Variants in VEZT observed in about 807,000 individuals in gnomAD.
The protein encoded by VEZT is vezatin.
In VEZT, 39 loss-of-function variants were observed where a neutral mutation model predicts 79.9. The ratio of observed to expected loss-of-function variants is 0.49; its 90% CI spans 0.38 to 0.64. The LOEUF is 0.64. Ranked by LOEUF, VEZT falls within the 30% of genes least tolerant of loss-of-function variation. The pLI, the probability that VEZT is intolerant of heterozygous loss-of-function variation, is 0.00. For synonymous variants in VEZT, 325 were observed against 327.6 expected, an observed-to-expected ratio of 0.99 and a Z score of 0.09; for missense variants, 837 against 893.1, an observed-to-expected ratio of 0.94 and a Z score of 0.80.
rs141242736 is a variant in VEZT, at chr12:95,263,100, C to G, written c.434+19C>G. 11 of 1,566,486 alleles carry G rather than the reference C, an allele frequency of 7.0e-6. No individual in the cohort carries two copies. In the East Asian group the frequency reaches 1.8e-4, roughly 26 times the overall value. On this transcript the variant is annotated intron_variant, in intron 4 of 11. Coordinates refer to ENST00000436874, the MANE Select transcript of VEZT (RefSeq NM_017599.4). ...ATATTTGGTACTGTCCAGAAAACACCTATTCTTTGACTGCTTACATACAGA... is the reference window on the plus strand; with the variant it reads ...ATATTTGGTACTGTCCAGAAAACACGTATTCTTTGACTGCTTACATACAGA...
rs1337197364 is a variant in VEZT, at chr12:95,300,465, C to G, written c.2132C>G (p.Pro711Arg). Residue 711 changes from proline (P) to arginine (R), a missense_variant, in exon 12 of 12, where the codon CCT becomes CGT. By Grantham distance (103) the Pro-to-Arg change is moderately radical. Coordinates refer to ENST00000436874, the MANE Select transcript of VEZT (RefSeq NM_017599.4). Reference sequence around the variant, plus strand: ...GATGGAAGTGGTCTGACCACTGCCCCTCCAACTCCCAGGGACTCATTACAG... The same window carrying G: ...GATGGAAGTGGTCTGACCACTGCCCGTCCAACTCCCAGGGACTCATTACAG... ...QADGSGLTTA[P>R]PTPRDSLQPS... 2 of 1,613,840 alleles carry G rather than the reference C, an allele frequency of 1.2e-6. No individual in the cohort carries two copies. Among genetic ancestry groups the G allele is most frequent in the African/African-American group, 2.7e-5 (2 of 74,912 alleles).
intron 10 of VEZT, among the ~76,000 whole-genome samples, chr12:95,294,923 A>G (rs1312749329): frequency 6.6e-6 from 1 of 152,164 alleles, no homozygotes; most frequent in Non-Finnish European, 1.5e-5. Context: ...TACTTTATTT[A>G]AACTTTTAGG....
chr12:95,297,115 G>C (rs1283940428), intron 11 of VEZT, among the ~76,000 whole-genome samples: 1 of 152,136 alleles, frequency 6.6e-6, no homozygotes, highest in East Asian at 1.9e-4. Flanking sequence ...TGGGGTAGCT[G>C]GTAATACAAA....
intron 9 of VEZT, among the ~76,000 whole-genome samples, chr12:95,289,097 T>A (rs371115451): frequency 0.048 from 5,482 of 114,570 alleles, 419 homozygotes; most frequent in Non-Finnish European, 0.078. Flanking sequence ...AAAAAATAAA[T>A]AAATAAATAA....
At chr12:95,292,548 ATTTT>A (rs11428521) in intron 9 of VEZT, among the ~76,000 whole-genome samples, 1 of 135,496 alleles carries the variant, frequency 7.4e-6, no homozygotes, top group Non-Finnish European at 1.6e-5. Flanking sequence ...GATAACTGTA[ATTTT>A]TTTTTTTTTT....
rs71078697 is a variant in VEZT at position 95,289,081 on chromosome 12, C to CAAAAA, written c.1522+1231_1522+1235dup. ...TGGGCAACAGAGCGAGACTCCGTCT[C>CAAAAA]AAAAAAAAAAATAAATAAATAAATA... On this transcript the variant is annotated intron_variant, in intron 9 of 11. Coordinates refer to ENST00000436874, the MANE Select transcript of VEZT (RefSeq NM_017599.4). Among the ~76,000 whole-genome samples, 75 of 123,096 alleles carry CAAAAA rather than the reference C, an allele frequency of 6.1e-4. 4 individuals carry two copies. Among genetic ancestry groups the CAAAAA allele is most frequent in the East Asian group, 1.6e-3 (7 of 4,484 alleles). 80.8% of individuals were successfully genotyped at this position (123,096 alleles called of 152,430 possible).
At chr12:95,237,333 T>C (rs2060329911) in intron 1 of VEZT, among the ~76,000 whole-genome samples, 1 of 152,172 alleles carries the variant, frequency 6.6e-6, no homozygotes, top group Non-Finnish European at 1.5e-5. Context: ...CTTAGATTAA[T>C]TCCTGGCCCT....
intron 6 of VEZT, among the ~76,000 whole-genome samples, chr12:95,271,779 T>A (rs186647244): frequency 6.6e-6 from 1 of 152,188 alleles, no homozygotes; most frequent in Admixed American, 6.5e-5. Flanking sequence ...ACAGACTGTA[T>A]GAGTTCTTTG....
At position 95,296,141 on chromosome 12, in the gene VEZT, CA is replaced by C; in HGVS notation, c.1715del (p.Gln572ArgfsTer15). 6.4e-7 allele frequency: 1 copy of C among 1,568,980 alleles called. No individual in the cohort carries two copies. Among genetic ancestry groups the C allele is most frequent in the Non-Finnish European group, 8.7e-7 (1 of 1,155,724 alleles). ...CTTGTCTCAAGAAGACAAAGAGAGA[CA>C]GAAGCGTGAGCATGAAGAATCCAAG... ...YYLSQEDKER[Q>X]KREHEESKRV... On this transcript the variant is annotated frameshift_variant, in exon 11 of 12. Transcript: ENST00000436874. LOFTEE classifies it high-confidence loss of function.
At chr12:95,276,814 C>T (rs564338383) in intron 7 of VEZT, among the ~76,000 whole-genome samples, 6 of 152,172 alleles carry the variant, frequency 3.9e-5, no homozygotes, top group African/African-American at 1.4e-4. Flanking sequence ...TGTTTTCTTT[C>T]TTTCCTATTA....
chr12:95,222,091 G>A (rs1052592615), intron 1 of VEZT, among the ~76,000 whole-genome samples: 1 of 152,124 alleles, frequency 6.6e-6, no homozygotes, highest in African/African-American at 2.4e-5. Flanking sequence ...AGAGACAACT[G>A]TATATACCTC....
chr12:95,298,427 G>A (rs1236792856), intron 11 of VEZT, among the ~76,000 whole-genome samples: 2 of 152,040 alleles, frequency 1.3e-5, no homozygotes, highest in African/African-American at 4.8e-5. Context: ...TTAATTTTAG[G>A]CACTGTTGTT....
intron 3 of VEZT, among the ~76,000 whole-genome samples, chr12:95,259,016 C>T (rs2063915812): frequency 6.6e-6 from 1 of 152,158 alleles, no homozygotes; most frequent in Non-Finnish European, 1.5e-5. Context: ...TCAATCAAAT[C>T]AAGTCCAAAT....
At chr12:95,237,658 GT>G (rs1403317549) in intron 1 of VEZT, among the ~76,000 whole-genome samples, 6 of 152,134 alleles carry the variant, frequency 3.9e-5, no homozygotes, top group Non-Finnish European at 8.8e-5. Context: ...TTATTATCTT[GT>G]TCATGTTGGT....
rs2060241177 is a variant in VEZT, at chr12:95,236,652, C to CCT, written c.37-15286_37-15285dup. On this transcript the variant is annotated intron_variant, in intron 1 of 11. Coordinates refer to ENST00000436874, the MANE Select transcript of VEZT (RefSeq NM_017599.4). ...GTGTCATGATTTTGGCTCACTGCACCCTCCACCTCCTGGGTTCAGGTGATT... is the reference window on the plus strand; with the variant it reads ...GTGTCATGATTTTGGCTCACTGCACCCTCTCCACCTCCTGGGTTCAGGTGATT... 2.0e-5 allele frequency among the ~76,000 whole-genome samples: 3 copies of CCT among 151,670 alleles called. No individual in the cohort carries two copies. In the South Asian group the frequency reaches 6.2e-4, roughly 32 times the overall value.
In VEZT at chr12:95,273,996, G is replaced by A. The variant is rs191868763; in HGVS notation, c.849-746G>A. Among the ~76,000 whole-genome samples, 21 of 152,322 alleles carry A rather than the reference G, an allele frequency of 1.4e-4. No individual in the cohort carries two copies. In the South Asian group the frequency reaches 2.1e-3, roughly 15 times the overall value. On this transcript the variant is annotated intron_variant, in intron 6 of 11. Transcript: ENST00000436874. ...CCTAACAGTAGTCTATGTCAAACAA[G>A]CTAGATAGAACAGGCCTGGTGCCAC...
chr12:95,283,084 A>G (rs566925548), intron 8 of VEZT, among the ~76,000 whole-genome samples: 15 of 152,328 alleles, frequency 9.8e-5, no homozygotes, highest in Non-Finnish European at 1.8e-4. Flanking sequence ...TTCTAAATAA[A>G]TTACAGCAGA....
chr12:95,250,232 T>C (rs1964592), intron 1 of VEZT, among the ~76,000 whole-genome samples: 49,714 of 121,918 alleles, frequency 0.41, 10,377 homozygotes, highest in African/African-American at 0.51. Flanking sequence ...CACCTAATTG[T>C]AGTCTTTTTG....
chr12:95,289,611 C>A (rs2072167472), intron 9 of VEZT, among the ~76,000 whole-genome samples: 1 of 151,876 alleles, frequency 6.6e-6, no homozygotes, highest in African/African-American at 2.4e-5. Context: ...GTGGCTTTTG[C>A]TTATAGATAA....
Sources: gnomAD v4.1 joint callset for allele counts (sites outside exome capture counted in the v4.1 genomes callset) on GRCh38, gnomAD v4.1.1 for gene constraint, MANE v1.5 for transcripts, NCBI Gene and HGNC (gene_info 2026-07-23, HGNC 2026-07-21) for gene names.